EPHB1: variants seen among roughly 807,000 people sequenced by gnomAD.
The protein encoded by EPHB1 is ephrin type-B receptor 1.
A neutral mutation model predicts 94.4 loss-of-function variants in EPHB1; 30 were observed. That is an observed-to-expected ratio of 0.32 (90% CI 0.24 to 0.43). The LOEUF (loss-of-function observed/expected upper bound fraction) is 0.43. EPHB1 is among the 20% of genes least tolerant of loss of function. The pLI is 1.00. For missense variants in EPHB1, 1,055 were observed against 1,308.3 expected, an observed-to-expected ratio of 0.81 and a Z score of 2.99; for synonymous variants, 522 against 489.1, an observed-to-expected ratio of 1.07 and a Z score of -0.89.
At chr3:134,979,778 T>A (rs190930115) in intron 3 of EPHB1, among the ~76,000 whole-genome samples, 2 of 151,540 alleles carry the variant, frequency 1.3e-5, no homozygotes, top group African/African-American at 4.8e-5. Context: ...CTGTAGTCTG[T>A]TGATGATTTT....
intron 1 of EPHB1, among the ~76,000 whole-genome samples, chr3:134,903,022 G>A (rs1383608022): frequency 1.3e-5 from 2 of 152,212 alleles, no homozygotes; most frequent in African/African-American, 2.4e-5. Flanking sequence ...CCACCCTTCC[G>A]CAGGTTGCCC....
chr3:134,927,554 A>G (rs1360188739), intron 2 of EPHB1, among the ~76,000 whole-genome samples: 1 of 152,224 alleles, frequency 6.6e-6, no homozygotes, highest in Non-Finnish European at 1.5e-5. Flanking sequence ...AGAATTTGCC[A>G]TCTTTTACAA....
At chr3:134,947,381 T>C (rs1386892885) in intron 2 of EPHB1, among the ~76,000 whole-genome samples, 2 of 152,238 alleles carry the variant, frequency 1.3e-5, no homozygotes, top group Admixed American at 1.3e-4. Context: ...AAGCCCACTC[T>C]GATCACTTAT....
chr3:134,881,983 G>T (rs1327957943), intron 1 of EPHB1, among the ~76,000 whole-genome samples: 1 of 152,198 alleles, frequency 6.6e-6, no homozygotes, highest in Non-Finnish European at 1.5e-5. Flanking sequence ...GGAATGAAAT[G>T]ATAATGGGAG....
intron 3 of EPHB1, 87 bp downstream of exon 3, chr3:134,952,139 G>A (rs966085613): frequency 2.2e-6 from 3 of 1,387,110 alleles, no homozygotes; most frequent in African/African-American, 2.9e-5. Context: ...GGTCATACAG[G>A]AACAGAAAAT....
Position 134,795,437 on chromosome 3 carries a change from ACG to A in EPHB1, c.-189_-188del. ...CACACACACATGCACACCCACACCCACGCGCGCCCGCACCGCCCCACGCGCAC... is the reference window on the plus strand; with the variant it reads ...CACACACACATGCACACCCACACCCACGCGCCCGCACCGCCCCACGCGCAC... On this transcript the variant is annotated 5_prime_UTR_variant, in exon 1 of 16. Transcript: ENST00000398015. 1 of 572,128 alleles carries A rather than the reference ACG, an allele frequency of 1.7e-6. No homozygotes were observed. Among genetic ancestry groups the A allele is most frequent in the Non-Finnish European group, 3.0e-6 (1 of 330,692 alleles). 35.4% of individuals were successfully genotyped at this position (572,128 alleles called of 1,614,324 possible).
At chr3:135,086,710 C>A (rs561781391) in intron 3 of EPHB1, among the ~76,000 whole-genome samples, 1 of 152,012 alleles carries the variant, frequency 6.6e-6, no homozygotes, top group Non-Finnish European at 1.5e-5. Context: ...TCTCCCCACC[C>A]CTCTATATGC....
At chr3:135,210,039 G>A (rs1942996984) in intron 12 of EPHB1, among the ~76,000 whole-genome samples, 1 of 152,206 alleles carries the variant, frequency 6.6e-6, no homozygotes, top group Admixed American at 6.5e-5. Flanking sequence ...TCCATTCTCT[G>A]AGAGTGAGGA....
chr3:135,040,810 T>C (rs570194972), intron 3 of EPHB1, among the ~76,000 whole-genome samples: 35 of 152,208 alleles, frequency 2.3e-4, no homozygotes, highest in Non-Finnish European at 4.1e-4. Context: ...GTGTGCAAGG[T>C]ATTATTCTTA....
intron 12 of EPHB1, among the ~76,000 whole-genome samples, chr3:135,204,667 AT>A (rs1052420777): frequency 2.0e-3 from 287 of 141,606 alleles, no homozygotes; most frequent in Middle Eastern, 7.5e-3. Flanking sequence ...TGCCCTGCTA[AT>A]TTTTTTTTTT....
intron 3 of EPHB1, among the ~76,000 whole-genome samples, chr3:135,051,867 A>G (rs1417440487): frequency 1.3e-5 from 2 of 152,234 alleles, no homozygotes; most frequent in African/African-American, 4.8e-5. Flanking sequence ...TGTTAATAAC[A>G]GCATCTTTCA....
chr3:134,911,678 G>A (rs1050140504), intron 1 of EPHB1, among the ~76,000 whole-genome samples: 5 of 152,190 alleles, frequency 3.3e-5, no homozygotes, highest in East Asian at 1.9e-4. Context: ...TAAGAATGGC[G>A]AATACTTGGA....
chr3:134,853,321 T>C (rs1305937441), intron 1 of EPHB1, among the ~76,000 whole-genome samples: 1 of 152,156 alleles, frequency 6.6e-6, no homozygotes, highest in Non-Finnish European at 1.5e-5. Flanking sequence ...AGGCTGTGGG[T>C]GCCCCTGGAG....
chr3:135,094,581 G>T (rs942916795), intron 3 of EPHB1, among the ~76,000 whole-genome samples: 1 of 152,180 alleles, frequency 6.6e-6, no homozygotes, highest in Non-Finnish European at 1.5e-5. Context: ...CTGCTTCCTG[G>T]GTGACCTAAG....
At chr3:134,980,961 G>C (rs1218193913) in intron 3 of EPHB1, among the ~76,000 whole-genome samples, 1 of 152,110 alleles carries the variant, frequency 6.6e-6, no homozygotes, top group Non-Finnish European at 1.5e-5. Context: ...GGAATTCAAG[G>C]TACTTTATCC....
intron 3 of EPHB1, among the ~76,000 whole-genome samples, chr3:135,102,334 G>C (rs1006223189): frequency 6.6e-6 from 1 of 152,170 alleles, no homozygotes; most frequent in Non-Finnish European, 1.5e-5. Context: ...AAGGCCATTT[G>C]CTTTTGCTTC....
intron 4 of EPHB1, among the ~76,000 whole-genome samples, chr3:135,117,181 A>G (rs1186397589): frequency 6.6e-6 from 1 of 152,226 alleles, no homozygotes; most frequent in African/African-American, 2.4e-5. Flanking sequence ...GGGTTTCTGA[A>G]TAATGTATGA....
Position 134,951,440 on chromosome 3 carries a change from G to C in EPHB1, c.193G>C (p.Glu65Gln), listed in dbSNP as rs748807854. The C allele has an allele frequency of 6.8e-6, 11 of 1,610,906 alleles. No individual in the cohort carries two copies. Among genetic ancestry groups the C allele is most frequent in the Non-Finnish European group, 9.3e-6 (11 of 1,178,188 alleles). Residue 65 changes from glutamate to glutamine, a missense_variant, in exon 3 of 16, where the codon GAG becomes CAG. Coordinates refer to ENST00000398015, the MANE Select transcript of EPHB1 (RefSeq NM_004441.5). This position sits in a 1 kb window ranked among gnomAD's most constrained non-coding sequence, Gnocchi z 4.5. ...CACCTACCAGGTGTGCAATGTCTTCGAGCCCAACCAGAACAATTGGCTGCT... is the reference window on the plus strand; with the variant it reads ...CACCTACCAGGTGTGCAATGTCTTCCAGCCCAACCAGAACAATTGGCTGCT... ...IRTYQVCNVFEPNQNNWLLTT... is the reference protein window; with the variant it reads ...IRTYQVCNVFQPNQNNWLLTT...
In EPHB1 at chr3:134,910,325, G is replaced by C. The variant is rs148141463; in HGVS notation, c.59-15491G>C. 2.7e-4 allele frequency among the ~76,000 whole-genome samples: 41 copies of C among 152,258 alleles called. 1 individual carries two copies. The East Asian group carries it at 7.7e-3, about 29-fold the overall frequency. ...GACTCTAAGGTCATCATGCCTGTTT[G>C]CCCCCCACTGTGGAAAACCAGGACA... On this transcript the variant is annotated intron_variant, in intron 1 of 15. Transcript: ENST00000398015.
Sources: allele counts gnomAD v4.1 joint callset (sites outside exome capture counted in the v4.1 genomes callset), GRCh38; gene constraint gnomAD v4.1.1; non-coding constraint Gnocchi (gnomAD v3.1); transcripts MANE v1.5; gene names NCBI Gene and HGNC (gene_info 2026-07-23, HGNC 2026-07-21).